ARID1B: variants seen among roughly 807,000 people sequenced by gnomAD.
ARID1B encodes AT-rich interaction domain 1B.
A neutral mutation model predicts 212.3 loss-of-function variants in ARID1B; 30 were observed. The observed-to-expected ratio is 0.14, with a 90% CI of 0.11 to 0.19. The LOEUF (loss-of-function observed/expected upper bound fraction) is 0.19, where lower values mean the gene tolerates loss of function less well. Among genes scored for constraint, ARID1B ranks in the 10% least tolerant of loss-of-function variants. The pLI, the probability that ARID1B is intolerant of heterozygous loss-of-function variation, is 1.00. For synonymous variants in ARID1B, 1,402 were observed against 1,301.7 expected (o/e 1.08, Z -1.66); for missense variants, 2,891 against 3,204.0 (o/e 0.90, Z 2.36).
At chr6:157,074,030 C>G (rs1784152129) in intron 4 of ARID1B, among the ~76,000 whole-genome samples, 2 of 152,078 alleles carry the variant, frequency 1.3e-5, no homozygotes, top group African/African-American at 4.8e-5. Context: ...GTTCCAGAGC[C>G]CGAATTCTAT....
At chr6:157,016,721 G>A (rs1428116601) in intron 4 of ARID1B, among the ~76,000 whole-genome samples, 3 of 152,172 alleles carry the variant, frequency 2.0e-5, no homozygotes, top group Non-Finnish European at 2.9e-5. Flanking sequence ...GCCCATGTGC[G>A]ACCCAAACTG....
intron 1 of ARID1B, among the ~76,000 whole-genome samples, chr6:156,827,718 A>T (rs1048762262): frequency 8.7e-6 from 1 of 115,376 alleles, no homozygotes; most frequent in South Asian, 3.2e-4. Flanking sequence ...GTTCCCTCCC[A>T]CCTTGGACGT....
chr6:156,950,305 C>T (rs770566385), intron 4 of ARID1B, among the ~76,000 whole-genome samples: 31 of 152,274 alleles, frequency 2.0e-4, no homozygotes, highest in South Asian at 6.2e-4. Flanking sequence ...GGTACAAACA[C>T]CATATAACCG....
chr6:156,991,765 C>A (rs954181659), intron 4 of ARID1B, among the ~76,000 whole-genome samples: 1 of 152,094 alleles, frequency 6.6e-6, no homozygotes, highest in Non-Finnish European at 1.5e-5. Flanking sequence ...TTCTAAACGT[C>A]CTGAGTTTTT....
chr6:157,176,825 G>A (rs377587694), intron 11 of ARID1B, among the ~76,000 whole-genome samples: 1 of 152,128 alleles, frequency 6.6e-6, no homozygotes, highest in African/African-American at 2.4e-5. Context: ...CAGCCTGGGC[G>A]ACAGAGTGAG....
At chr6:156,996,548 T>C (rs560721286) in intron 4 of ARID1B, among the ~76,000 whole-genome samples, 1 of 152,318 alleles carries the variant, frequency 6.6e-6, no homozygotes, top group African/African-American at 2.4e-5. Context: ...AATGCATTGT[T>C]ATGGAAACCA....
chr6:156,943,774 A>G (rs982139883), intron 4 of ARID1B: 7 of 152,224 alleles, frequency 4.6e-5, no homozygotes, highest in African/African-American at 1.4e-4. Context: ...ATTAGACTGA[A>G]ATGAAATAAA....
chr6:156,965,568 C>G (rs554751140), intron 4 of ARID1B, among the ~76,000 whole-genome samples: 22 of 152,296 alleles, frequency 1.4e-4, no homozygotes, highest in African/African-American at 5.3e-4. Context: ...AGATTAAACA[C>G]ATATTAAGTT....
At chr6:156,905,250 GCACACACA>G (rs138326649) in intron 3 of ARID1B, among the ~76,000 whole-genome samples, 1 of 143,730 alleles carries the variant, frequency 7.0e-6, no homozygotes, top group African/African-American at 2.6e-5. Context: ...ACATATGCAC[GCACACACA>G]CACACACACA....
chr6:157,004,659 C>T (rs1350382140), intron 4 of ARID1B, among the ~76,000 whole-genome samples: 1 of 152,174 alleles, frequency 6.6e-6, no homozygotes, highest in Non-Finnish European at 1.5e-5. Context: ...GTGTTCGGAA[C>T]AGCCGTGCAC....
At chr6:157,123,198 G>GTC (rs377283771) in intron 6 of ARID1B, among the ~76,000 whole-genome samples, 25 of 146,704 alleles carry the variant, frequency 1.7e-4, no homozygotes, top group Non-Finnish European at 3.0e-4. Flanking sequence ...CTCTGTCTCT[G>GTC]TCTCTCTCTC....
In ARID1B at chr6:157,077,433, T is replaced by C. The variant is rs370225141; in HGVS notation, c.2248-7229T>C. ...CGTGAGGCCATGCGCAGCCTGCCTCTGCCAGGCTCCGGAGCCTCACCCTCT... is the reference window on the plus strand; with the variant it reads ...CGTGAGGCCATGCGCAGCCTGCCTCCGCCAGGCTCCGGAGCCTCACCCTCT... On this transcript the variant is annotated intron_variant, in intron 4 of 19. Transcript: ENST00000636930. Among the ~76,000 whole-genome samples, 14 of 152,150 alleles carry C rather than the reference T, an allele frequency of 9.2e-5. No individual in the cohort carries two copies. The East Asian group carries it at 1.7e-3, about 19-fold the overall frequency.
At chr6:157,162,793 ACCAC>A (rs982573625) in intron 8 of ARID1B, among the ~76,000 whole-genome samples, 1 of 152,160 alleles carries the variant, frequency 6.6e-6, no homozygotes, top group Non-Finnish European at 1.5e-5. Context: ...TGGGGTCAAC[ACCAC>A]CCAACCAGGG....
rs1250844200 is a variant in ARID1B, at chr6:157,207,540, G to A, written c.6768G>A (p.Ala2256=). The A allele has an allele frequency of 1.9e-5, 30 of 1,614,126 alleles. No individual in the cohort carries two copies. Among genetic ancestry groups the A allele is most frequent in the Non-Finnish European group, 2.5e-5 (29 of 1,180,028 alleles). Residue 2256 remains alanine (A), a synonymous_variant, in exon 20 of 20, where the codon GCG becomes GCA. Transcript: ENST00000636930. The surrounding 1 kb of genome is among the most constrained non-coding windows in gnomAD (Gnocchi z 8.5). ...KNPVCREMSM[A]LLSNLAQGDA... ...CAGTCTGTCGAGAAATGTCCATGGC[G>A]CTTTTATCGAACCTTGCCCAAGGGG...
intron 8 of ARID1B, chr6:157,152,038 T>A (rs1232846529): frequency 1.3e-5 from 2 of 152,232 alleles, no homozygotes; most frequent in Non-Finnish European, 2.9e-5. Context: ...ATGGTTATTC[T>A]TGGGAAATTG....
rs1285550923 is a variant in ARID1B, at chr6:157,039,626, CTTCCTTCCTTCCTTCCTTCT to C, written c.2248-45016_2248-44997del. Among the ~76,000 whole-genome samples, 155 of 117,404 alleles carry C rather than the reference CTTCCTTCCTTCCTTCCTTCT, an allele frequency of 1.3e-3. 1 individual carries two copies. The highest frequency in any genetic ancestry group is 3.7e-3 in the African/African-American group (106 of 28,450). 77.0% of individuals were successfully genotyped at this position (117,404 alleles called of 152,430 possible). A position where few individuals can be genotyped will look rare whatever the true frequency, so the allele number is the denominator to read the frequency against. On this transcript the variant is annotated intron_variant, in intron 4 of 19. Coordinates refer to ENST00000636930, the MANE Select transcript of ARID1B (RefSeq NM_001374828.1). ...TTCCAAAAGCTACCTACCTTCCTTC[CTTCCTTCCTTCCTTCCTTCT>C]TTCCTTCCTTCCTTCCTTCCTTCCT...
At chr6:156,966,692 G>A (rs117735511) in intron 4 of ARID1B, among the ~76,000 whole-genome samples, 2,041 of 150,604 alleles carry the variant, frequency 0.014, 23 homozygotes, top group Middle Eastern at 0.032. Context: ...ACTGCGCCTG[G>A]CCATAAATAA....
intron 4 of ARID1B, among the ~76,000 whole-genome samples, chr6:156,997,054 A>C (rs1778634638): frequency 6.6e-6 from 1 of 152,230 alleles, no homozygotes; most frequent in Non-Finnish European, 1.5e-5. Flanking sequence ...CTTAAGACAT[A>C]AATTCTCAAT....
At chr6:157,031,792 GA>G (rs964150283) in intron 4 of ARID1B, among the ~76,000 whole-genome samples, 18 of 151,860 alleles carry the variant, frequency 1.2e-4, no homozygotes, top group African/African-American at 4.1e-4. Context: ...GAAAACAAAT[GA>G]AATTTTTTTT....
Sources: gnomAD v4.1 joint callset for allele counts (sites outside exome capture counted in the v4.1 genomes callset) on GRCh38, gnomAD v4.1.1 for gene constraint, Gnocchi (gnomAD v3.1) non-coding constraint, MANE v1.5 for transcripts, NCBI Gene and HGNC (gene_info 2026-07-23, HGNC 2026-07-21) for gene names.